Variants in ST3GAL6 observed in about 807,000 individuals in gnomAD.
ST3GAL6 encodes type 2 lactosamine alpha-2,3-sialyltransferase.
A neutral mutation model predicts 40.5 loss-of-function variants in ST3GAL6; 31 were observed. The ratio of observed to expected loss-of-function variants is 0.77; its 90% CI spans 0.58 to 1.03. The LOEUF is 1.03. ST3GAL6 is among the 50% of genes least tolerant of loss of function. The probability of loss-of-function intolerance (pLI) is 0.00; values close to 1 mark genes in which losing one functional copy is unlikely to be tolerated. For missense variants in ST3GAL6, 357 were observed against 393.2 expected (o/e 0.91, Z 0.78); for synonymous variants, 129 against 136.9 (o/e 0.94, Z 0.40).
At chr3:98,741,800 A>G (rs1469991286) in intron 1 of ST3GAL6, among the ~76,000 whole-genome samples, 1 of 152,228 alleles carries the variant, frequency 6.6e-6, no homozygotes, top group Non-Finnish European at 1.5e-5. Context: ...TCACCAGAAT[A>G]TGATGAAAAC....
chr3:98,781,350 G>C (rs568985863), intron 5 of ST3GAL6, among the ~76,000 whole-genome samples: 50 of 152,186 alleles, frequency 3.3e-4, no homozygotes, highest in African/African-American at 1.2e-3. Context: ...CTAGGGGAGG[G>C]ATAGCATTAG....
chr3:98,736,171 C>T (rs1236979980), intron 1 of ST3GAL6, among the ~76,000 whole-genome samples: 1 of 152,058 alleles, frequency 6.6e-6, no homozygotes, highest in Non-Finnish European at 1.5e-5. Flanking sequence ...TCTTCCTGCA[C>T]CATTGAGATA....
chr3:98,781,286 C>T (rs184859110), intron 5 of ST3GAL6, among the ~76,000 whole-genome samples: 6 of 152,116 alleles, frequency 3.9e-5, no homozygotes, highest in African/African-American at 7.2e-5. Context: ...AATGAGAACA[C>T]GTGGACACAG....
intron 1 of ST3GAL6, among the ~76,000 whole-genome samples, chr3:98,752,311 A>T (rs921316946): frequency 5.3e-5 from 8 of 152,112 alleles, no homozygotes; most frequent in African/African-American, 1.9e-4. Flanking sequence ...GCCTATTGGT[A>T]CCATTTTCCC....
At chr3:98,747,301 C>T (rs1179948265) in intron 1 of ST3GAL6, among the ~76,000 whole-genome samples, 1 of 152,158 alleles carries the variant, frequency 6.6e-6, no homozygotes, top group Non-Finnish European at 1.5e-5. Flanking sequence ...ATTATAGATT[C>T]ACATAAACTG....
intron 1 of ST3GAL6, among the ~76,000 whole-genome samples, chr3:98,738,704 C>T (rs1031244811): frequency 2.6e-5 from 4 of 152,154 alleles, no homozygotes; most frequent in Non-Finnish European, 5.9e-5. Context: ...ACAGGAGCAC[C>T]CAGATTCACA....
chr3:98,768,825 C>T (rs370180891), intron 2 of ST3GAL6, among the ~76,000 whole-genome samples: 37 of 152,066 alleles, frequency 2.4e-4, no homozygotes, highest in African/African-American at 8.0e-4. Context: ...GAGTTAATGG[C>T]GTAATTACTG....
intron 1 of ST3GAL6, among the ~76,000 whole-genome samples, chr3:98,741,051 AGTGT>A (rs35649214): frequency 6.2e-4 from 90 of 145,194 alleles, no homozygotes; most frequent in African/African-American, 1.1e-3. Context: ...AGAGGGATTC[AGTGT>A]GTGTGTGTGT....
At chr3:98,738,367 G>T (rs1935753939) in intron 1 of ST3GAL6, among the ~76,000 whole-genome samples, 1 of 151,832 alleles carries the variant, frequency 6.6e-6, no homozygotes, top group Non-Finnish European at 1.5e-5. Flanking sequence ...TCAGCCTCAT[G>T]GGCACAAGCA....
chr3:98,752,008 G>T (rs1487566582), intron 1 of ST3GAL6, among the ~76,000 whole-genome samples: 1 of 152,074 alleles, frequency 6.6e-6, no homozygotes, highest in African/African-American at 2.4e-5. Flanking sequence ...TGTTTTCTAA[G>T]AATTTTTTAA....
At chr3:98,787,981 G>A (rs1940881377) in intron 6 of ST3GAL6, 55 bp from the exon 7 acceptor site, 4 of 1,491,910 alleles carry the variant, frequency 2.7e-6, no homozygotes, top group Non-Finnish European at 2.7e-6. Context: ...AACTGTGATG[G>A]GAATGGCAGA....
upstream of ST3GAL6, among the ~76,000 whole-genome samples, chr3:98,758,592 T>G (rs1010027745): frequency 3.3e-5 from 5 of 152,210 alleles, no homozygotes; most frequent in Admixed American, 2.0e-4. Context: ...CACTTTATAT[T>G]CAAAAGCAGA....
At chr3:98,779,053 T>C (rs771260361) in intron 5 of ST3GAL6, among the ~76,000 whole-genome samples, 2 of 152,146 alleles carry the variant, frequency 1.3e-5, no homozygotes. Context: ...TGCACATATG[T>C]TTGGAGTGGC....
At chr3:98,766,393 A>G (rs1409757535) in intron 1 of ST3GAL6, among the ~76,000 whole-genome samples, 1 of 143,076 alleles carries the variant, frequency 7.0e-6, no homozygotes, top group African/African-American at 2.6e-5. Flanking sequence ...GGATCTTTGC[A>G]TAAATGTCAT....
intron 1 of ST3GAL6, among the ~76,000 whole-genome samples, chr3:98,738,959 A>G (rs1366352639): frequency 1.3e-5 from 2 of 152,226 alleles, no homozygotes; most frequent in Non-Finnish European, 2.9e-5. Flanking sequence ...GATATAAAAC[A>G]ATCCTCAGCA....
chr3:98,739,402 C>A (rs1025374679), intron 1 of ST3GAL6, among the ~76,000 whole-genome samples: 9 of 151,534 alleles, frequency 5.9e-5, no homozygotes, highest in South Asian at 2.1e-4. Flanking sequence ...AAAAAAACCC[C>A]AAAAAAACCC....
intron 8 of ST3GAL6, among the ~76,000 whole-genome samples, chr3:98,789,747 T>C (rs1941042487): frequency 6.6e-6 from 1 of 152,238 alleles, no homozygotes; most frequent in Non-Finnish European, 1.5e-5. Context: ...TTGTGAGTTT[T>C]CACTTCCTAT....
chr3:98,738,310 G>A (rs914279450), intron 1 of ST3GAL6, among the ~76,000 whole-genome samples: 2 of 151,522 alleles, frequency 1.3e-5, no homozygotes, highest in African/African-American at 4.9e-5. Context: ...GTCTCACTCT[G>A]TTGAACAAGC....
chr3:98,770,988 C>CA lies in ST3GAL6; in HGVS notation c.167+36dup, dbSNP rs761594924. 43 of 1,601,932 alleles carry CA rather than the reference C, an allele frequency of 2.7e-5. No individual in the cohort carries two copies. In the African/African-American group the frequency reaches 4.3e-4, roughly 16 times the overall value. On this transcript the variant is annotated intron_variant, in intron 3 of 9. Transcript: ENST00000483910. Reference sequence around the variant, plus strand: ...ATATACCAGAAAAACCTGTGGCATACAAAATATTCTAAATGTGCTTGTAAT... The same window carrying CA: ...ATATACCAGAAAAACCTGTGGCATACAAAAATATTCTAAATGTGCTTGTAAT...
Sources: gnomAD v4.1 joint callset for allele counts (sites outside exome capture counted in the v4.1 genomes callset) on GRCh38, gnomAD v4.1.1 for gene constraint, MANE v1.5 for transcripts, NCBI Gene and HGNC (gene_info 2026-07-23, HGNC 2026-07-21) for gene names.